RAB9A: variants seen among roughly 807,000 people sequenced by gnomAD.
RAB9A encodes RAB9A, member RAS oncogene family, also known as ras-related protein Rab-9A.
Under a neutral mutation model 10.3 loss-of-function variants are expected in RAB9A, and 1 was observed. The observed-to-expected ratio is 0.10, with a 90% CI of 0.03 to 0.46. RAB9A has a LOEUF of 0.46. Ranked by LOEUF, RAB9A falls within the 20% of genes least tolerant of loss-of-function variation. The pLI is 0.96. For synonymous variants in RAB9A, 39 were observed against 55.2 expected (o/e 0.71, Z 1.30); for missense variants, 92 against 150.3 (o/e 0.61, Z 2.03).
rs1023162764 is a variant in RAB9A, at chrX:13,709,533, CAAT to C, written c.*185_*187del. ...CCACTCTTGGAGGAATATATTTACT[CAAT>C]AATGGCACCTTACATTTATAAATTG... On this transcript the variant is annotated 3_prime_UTR_variant, in exon 3 of 3. Coordinates refer to ENST00000464506, the MANE Select transcript of RAB9A (RefSeq NM_004251.5). The C allele has an allele frequency of 2.1e-5, 8 of 384,043 alleles. No homozygotes were observed. The highest frequency in any genetic ancestry group is 2.1e-4 in the African/African-American group (8 of 38,509). The allele number at this position is 384,043 out of a possible 1,213,427, so 31.6% of individuals were successfully genotyped here.
chrX:13,690,461 A>G (rs6633233), intron 1 of RAB9A, among the ~76,000 whole-genome samples: 53,110 of 110,279 alleles, frequency 0.48, 9,192 homozygotes, highest in East Asian at 0.69. Context: ...ATCTGGGCAT[A>G]TTTTTTCGTT....
At chrX:13,700,344 G>A (rs934670543) in intron 1 of RAB9A, among the ~76,000 whole-genome samples, 3 of 111,931 alleles carry the variant, frequency 2.7e-5, no homozygotes, top group African/African-American at 9.8e-5. Context: ...GCAAGGGGTT[G>A]GAGAAGGCCA....
intron 1 of RAB9A, among the ~76,000 whole-genome samples, chrX:13,691,604 G>C (rs1340553798): frequency 1.1e-5 from 1 of 90,412 alleles, no homozygotes; most frequent in African/African-American, 4.3e-5. Context: ...AGGTTGCAGT[G>C]AGCCGAGATC....
chrX:13,709,527 T>C lies in RAB9A; in HGVS notation c.*175T>C, dbSNP rs1302285917. 2.4e-6 allele frequency: 1 copy of C among 421,560 alleles called. No individual in the cohort carries two copies. The highest frequency in any genetic ancestry group is 3.9e-6 in the Non-Finnish European group (1 of 257,093). The allele number at this position is 421,560 out of a possible 1,213,427, so 34.7% of individuals were successfully genotyped here. A position where few individuals can be genotyped will look rare whatever the true frequency, so the allele number is the denominator to read the frequency against. The stretch of plus-strand genomic sequence containing the variant: ...ACACATCCACTCTTGGAGGAATATA[T>C]TTACTCAATAATGGCACCTTACATT... On this transcript the variant is annotated 3_prime_UTR_variant, in exon 3 of 3. Transcript: ENST00000464506.
intron 1 of RAB9A, 59 bp downstream of exon 1, chrX:13,689,347 A>T (rs750199822): frequency 8.9e-6 from 1 of 111,783 alleles, no homozygotes; most frequent in Non-Finnish European, 1.9e-5. Flanking sequence ...TCGGGGTCTG[A>T]GGGGGCGGCT....
At chrX:13,696,618 G>A (rs949874148) in intron 1 of RAB9A, among the ~76,000 whole-genome samples, 1 of 111,875 alleles carries the variant, frequency 8.9e-6, no homozygotes, top group African/African-American at 3.3e-5. Context: ...TTCACCTTAG[G>A]GTTGTATGTG....
Position 13,709,014 on chromosome X carries a change from G to A in RAB9A, c.268G>A (p.Asp90Asn). 2 of 1,211,402 alleles carry A rather than the reference G, an allele frequency of 1.7e-6. No individual in the cohort carries two copies. Among genetic ancestry groups the A allele is most frequent in the Non-Finnish European group, 2.2e-6 (2 of 895,476 alleles). ...SDCCLLTFSV[D>N]DSQSFQNLSN... ...CTGCTGCCTGCTTACTTTTAGTGTC[G>A]ATGATTCACAAAGCTTCCAGAACTT... is the stretch of plus-strand genomic sequence containing the variant. Residue 90 changes from aspartate (D) to asparagine (N), a missense_variant, in exon 3 of 3, where the codon GAT becomes AAT. By Grantham distance (23) the Asp-to-Asn change is conservative. Coordinates refer to ENST00000464506, the MANE Select transcript of RAB9A (RefSeq NM_004251.5).
Position 13,692,868 on chromosome X carries a change from G to A in RAB9A, c.-116+3580G>A, listed in dbSNP as rs371963334. ...TCTTTGCTGATGAATAGATTTCTCT[G>A]CCTCTTATCAGGAGTTGTCTGCTGT... On this transcript the variant is annotated intron_variant, in intron 1 of 2. Transcript: ENST00000464506. Among the ~76,000 whole-genome samples the A allele has an allele frequency of 2.0e-4, 22 of 112,479 alleles. No homozygotes were observed. The East Asian group carries it at 5.0e-3, about 26-fold the overall frequency.
intron 1 of RAB9A, among the ~76,000 whole-genome samples, chrX:13,690,592 C>G (rs1162032191): frequency 9.0e-6 from 1 of 111,430 alleles, no homozygotes; most frequent in Non-Finnish European, 1.9e-5. Flanking sequence ...TCTTTTCCAA[C>G]CTCTCTCATC....
Position 13,692,788 on chromosome X carries a change from T to TGGCATCTTTTTG in RAB9A, c.-116+3501_-116+3512dup, listed in dbSNP as rs1396115421. Among the ~76,000 whole-genome samples, 3 of 112,007 alleles carry TGGCATCTTTTTG rather than the reference T, an allele frequency of 2.7e-5. No individual in the cohort carries two copies. The East Asian group carries it at 8.3e-4, about 31-fold the overall frequency. ...CTGAGTGTTATTCACGCAATCAACA[T>TGGCATCTTTTTG]GGCATCTTTTTGTCGGTAGCTTTGG... is the stretch of plus-strand genomic sequence containing the variant. On this transcript the variant is annotated intron_variant, in intron 1 of 2. Transcript: ENST00000464506.
intron 1 of RAB9A, among the ~76,000 whole-genome samples, chrX:13,698,190 C>CTT (rs67802719): frequency 5.2e-5 from 2 of 38,319 alleles, no homozygotes; most frequent in African/African-American, 9.2e-5. Flanking sequence ...TCTTTTTTTT[C>CTT]TTTTTTTTTT....
chrX:13,691,086 T>C (rs984352918), intron 1 of RAB9A, among the ~76,000 whole-genome samples: 2 of 111,116 alleles, frequency 1.8e-5, no homozygotes, highest in African/African-American at 6.6e-5. Flanking sequence ...AAACATTCTT[T>C]TTTATTTTTA....
intron 1 of RAB9A, among the ~76,000 whole-genome samples, chrX:13,702,033 G>T (rs2046176416): frequency 9.0e-6 from 1 of 110,820 alleles, no homozygotes; most frequent in Non-Finnish European, 1.9e-5. Flanking sequence ...TATTTCAGAG[G>T]GTCCCCATCA....
At chrX:13,699,548 A>T (rs1167761547) in intron 1 of RAB9A, among the ~76,000 whole-genome samples, 1 of 112,354 alleles carries the variant, frequency 8.9e-6, no homozygotes, top group Non-Finnish European at 1.9e-5. Context: ...AGCATAAGTA[A>T]ATGAGAGCTG....
chrX:13,693,982 A>AT (rs1272717112), intron 1 of RAB9A, among the ~76,000 whole-genome samples: 63 of 111,950 alleles, frequency 5.6e-4, no homozygotes, highest in Middle Eastern at 4.6e-3. Context: ...AACTGGACAC[A>AT]TTCATTTCAT....
rs368183216 is a variant in RAB9A, at chrX:13,700,309, T to C, written c.-115-3505T>C. On this transcript the variant is annotated intron_variant, in intron 1 of 2. Transcript: ENST00000464506. ...GCTTTCTATTCTTCCCCTTGGTTTA[T>C]TGTAGGATGTGGCTTTGGAAGCCAG... Among the ~76,000 whole-genome samples, 25 of 111,815 alleles carry C rather than the reference T, an allele frequency of 2.2e-4. No individual in the cohort carries two copies. In the East Asian group the frequency reaches 6.7e-3, roughly 30 times the overall value.
intron 1 of RAB9A, among the ~76,000 whole-genome samples, chrX:13,698,435 C>T (rs1245962506): frequency 1.8e-5 from 2 of 110,624 alleles, no homozygotes; most frequent in Admixed American, 1.9e-4. Context: ...AGTTTTTCTC[C>T]TCTAGCTGCC....
At chrX:13,692,212 A>T (rs1402261263) in intron 1 of RAB9A, among the ~76,000 whole-genome samples, 1 of 111,520 alleles carries the variant, frequency 9.0e-6, no homozygotes, top group Non-Finnish European at 1.9e-5. Flanking sequence ...CTGGAGGCTG[A>T]GGCAGAAGGA....
chrX:13,690,502 A>G (rs2046115937), intron 1 of RAB9A, among the ~76,000 whole-genome samples: 1 of 111,745 alleles, frequency 8.9e-6, no homozygotes, highest in Admixed American at 9.5e-5. Context: ...TAGATAGGCA[A>G]ACACTAAGTA....
Sources: allele counts gnomAD v4.1 joint callset (sites outside exome capture counted in the v4.1 genomes callset), GRCh38; gene constraint gnomAD v4.1.1; transcripts MANE v1.5; gene names NCBI Gene and HGNC (gene_info 2026-07-23, HGNC 2026-07-21).